Variants in CEP170 observed in about 807,000 individuals in gnomAD.
The protein encoded by CEP170 is centrosomal protein of 170 kDa.
Under a neutral mutation model 151.9 loss-of-function variants are expected in CEP170, and 21 were observed. The ratio of observed to expected loss-of-function variants is 0.14; its 90% CI spans 0.10 to 0.20. The LOEUF (loss-of-function observed/expected upper bound fraction) is 0.20. Among genes scored for constraint, CEP170 ranks in the 10% least tolerant of loss-of-function variants. CEP170 has a pLI of 1.00. For synonymous variants in CEP170, 356 were observed against 648.8 expected (o/e 0.55, Z 6.86); for missense variants, 964 against 1,892.9 (o/e 0.51, Z 9.11).
At chr1:243,200,111 G>T (rs2060926745) in intron 6 of CEP170, among the ~76,000 whole-genome samples, 1 of 151,782 alleles carries the variant, frequency 6.6e-6, no homozygotes, top group Non-Finnish European at 1.5e-5. Flanking sequence ...TGAGGTGTAT[G>T]CATTGTATTA....
At chr1:243,169,088 T>C (rs550757086) in intron 12 of CEP170, 1 of 154,116 alleles carries the variant, frequency 6.5e-6, no homozygotes, top group Non-Finnish European at 1.4e-5. Flanking sequence ...TTATCTTCAG[T>C]TAAGTTTATA....
At chr1:243,200,945 A>T in intron 4 of CEP170, 110 bp from the exon 5 acceptor site, 1 of 1,169,704 alleles carries the variant, frequency 8.5e-7, no homozygotes, top group Non-Finnish European at 1.2e-6. Context: ...ACTACAGCAG[A>T]ATTATTATAT....
At chr1:243,175,117 T>C (rs982719385) in intron 10 of CEP170, 1 of 152,228 alleles carries the variant, frequency 6.6e-6, no homozygotes, top group Non-Finnish European at 1.5e-5. Context: ...CTTGATTTCC[T>C]CAAACATCTA....
At chr1:243,229,021 C>T (rs2063509388) in intron 1 of CEP170, among the ~76,000 whole-genome samples, 1 of 152,204 alleles carries the variant, frequency 6.6e-6, no homozygotes. Context: ...AAGCTACTGT[C>T]TGTTTTTATA....
At chr1:243,210,315 GA>G (rs1410288150) in intron 4 of CEP170, among the ~76,000 whole-genome samples, 1 of 152,088 alleles carries the variant, frequency 6.6e-6, no homozygotes, top group African/African-American at 2.4e-5. Flanking sequence ...TGAAACAGTT[GA>G]TGCCAAATGG....
intron 1 of CEP170, among the ~76,000 whole-genome samples, chr1:243,237,329 A>G (rs1227888763): frequency 2.0e-5 from 3 of 152,202 alleles, no homozygotes; most frequent in African/African-American, 7.2e-5. Flanking sequence ...AGCACTTGAA[A>G]TACAGCTAAT....
intron 14 of CEP170, among the ~76,000 whole-genome samples, chr1:243,152,544 T>G (rs2057201818): frequency 7.9e-6 from 1 of 126,996 alleles, no homozygotes; most frequent in Admixed American, 8.0e-5. Context: ...TTTTTTTTTT[T>G]TTTTTGAGAT....
intron 1 of CEP170, among the ~76,000 whole-genome samples, chr1:243,225,993 A>G (rs192649058): frequency 1.0e-4 from 15 of 147,222 alleles, no homozygotes; most frequent in African/African-American, 3.8e-4. Flanking sequence ...CTATATATAT[A>G]CACGTATATA....
chr1:243,162,544 T>C (rs2058148749), intron 13 of CEP170, among the ~76,000 whole-genome samples: 1 of 152,242 alleles, frequency 6.6e-6, no homozygotes, highest in African/African-American at 2.4e-5. Flanking sequence ...ATTTATCAAG[T>C]TCTGTATTCA....
rs184675108 is a variant in CEP170, at chr1:243,157,428, C to T, written c.3677-973G>A. Reference sequence around the variant, plus strand: ...TAATTCCTGGTAAACCTAACAAGGGCAGGAACCATGTCTGTTTAATCCAAT... The same window carrying T: ...TAATTCCTGGTAAACCTAACAAGGGTAGGAACCATGTCTGTTTAATCCAAT... On this transcript the variant is annotated intron_variant, in intron 13 of 19. Coordinates refer to ENST00000366542, the MANE Select transcript of CEP170 (RefSeq NM_014812.3). Among the ~76,000 whole-genome samples the T allele has an allele frequency of 2.1e-4, 32 of 152,244 alleles. No homozygotes were observed. In the East Asian group the frequency reaches 4.1e-3, roughly 19 times the overall value.
intron 19 of CEP170, among the ~76,000 whole-genome samples, chr1:243,127,151 G>T (rs2053793406): frequency 6.6e-6 from 1 of 152,166 alleles, no homozygotes; most frequent in Admixed American, 6.5e-5. Flanking sequence ...TAACCTCAAG[G>T]CTGGAGAGGC....
intron 4 of CEP170, among the ~76,000 whole-genome samples, chr1:243,209,921 C>T (rs1039048908): frequency 2.6e-5 from 4 of 152,120 alleles, no homozygotes; most frequent in African/African-American, 9.7e-5. Flanking sequence ...TCTCAATCTC[C>T]TGACCTCATG....
chr1:243,248,128 T>A (rs2065596620), intron 1 of CEP170, among the ~76,000 whole-genome samples: 1 of 152,214 alleles, frequency 6.6e-6, no homozygotes, highest in Admixed American at 6.5e-5. Flanking sequence ...CTGTGAACAT[T>A]CATGTTGATA....
intron 17 of CEP170, among the ~76,000 whole-genome samples, chr1:243,130,599 G>GC (rs2054285062): frequency 6.6e-6 from 1 of 152,068 alleles, no homozygotes; most frequent in Admixed American, 6.6e-5. Flanking sequence ...TTTTCAGTAA[G>GC]CCTGGAAATC....
chr1:243,144,944 A>C (rs1049465822), intron 14 of CEP170, among the ~76,000 whole-genome samples: 11 of 152,208 alleles, frequency 7.2e-5, no homozygotes, highest in African/African-American at 2.7e-4. Context: ...CTGTAGAAAT[A>C]AGTATGCATT....
At chr1:243,219,892 A>AT (rs1553390041) in intron 3 of CEP170, among the ~76,000 whole-genome samples, 1 of 152,234 alleles carries the variant, frequency 6.6e-6, no homozygotes, top group Non-Finnish European at 1.5e-5. Flanking sequence ...TCAGGAGCTC[A>AT]TAAGTCAGCA....
Position 243,231,110 on chromosome 1 carries a change from A to AC in CEP170, c.-41-5790dup, listed in dbSNP as rs397750801. Among the ~76,000 whole-genome samples, 3 of 149,848 alleles carry AC rather than the reference A, an allele frequency of 2.0e-5. No individual in the cohort carries two copies. The East Asian group carries it at 5.9e-4, about 29-fold the overall frequency. On this transcript the variant is annotated intron_variant, in intron 1 of 19. Transcript: ENST00000366542. ...GTGGGAAAGGAGAAGAAAAAAAAAA[A>AC]CTGTCAATCAAGAATTTTATACCCA...
At chr1:243,171,924 T>C (rs1052388411) in intron 11 of CEP170, among the ~76,000 whole-genome samples, 3 of 152,216 alleles carry the variant, frequency 2.0e-5, no homozygotes, top group African/African-American at 7.2e-5. Flanking sequence ...TCTGTAATTA[T>C]CTTAACCAAG....
intron 8 of CEP170, among the ~76,000 whole-genome samples, chr1:243,190,454 C>G (rs2060238418): frequency 6.6e-6 from 1 of 151,918 alleles, no homozygotes; most frequent in Admixed American, 6.6e-5. Context: ...TTCATGAAGT[C>G]CTAATATTAA....
Sources: allele counts gnomAD v4.1 joint callset (sites outside exome capture counted in the v4.1 genomes callset), GRCh38; gene constraint gnomAD v4.1.1; transcripts MANE v1.5; gene names NCBI Gene and HGNC (gene_info 2026-07-23, HGNC 2026-07-21).